The following SSUH2 variants were observed in gnomAD, a reference collection of about 807,000 sequenced individuals.
SSUH2 encodes the protein ssu-2 homolog.
Under a neutral mutation model 55.3 loss-of-function variants are expected in SSUH2, and 47 were observed. The ratio of observed to expected loss-of-function variants is 0.85; its 90% CI spans 0.67 to 1.08. The LOEUF (loss-of-function observed/expected upper bound fraction) is 1.08, where lower values mean the gene tolerates loss of function less well. Ranked by LOEUF, SSUH2 falls within the 50% of genes least tolerant of loss-of-function variation. The pLI is 0.00. For synonymous variants in SSUH2, 212 were observed against 191.5 expected (o/e 1.11, Z -0.89); for missense variants, 535 against 490.7 (o/e 1.09, Z -0.85).
At chr3:8,664,472 A>C (rs1187976048) in intron 5 of SSUH2, among the ~76,000 whole-genome samples, 1 of 151,610 alleles carries the variant, frequency 6.6e-6, no homozygotes, top group African/African-American at 2.4e-5. Context: ...AAAATTTCTG[A>C]GCAATTTTTT....
intron 11 of SSUH2, among the ~76,000 whole-genome samples, chr3:8,622,751 T>A (rs1294844499): frequency 6.6e-6 from 1 of 152,158 alleles, no homozygotes; most frequent in Non-Finnish European, 1.5e-5. Context: ...GAAATGCCCA[T>A]TGCAAAGGAC....
intron 5 of SSUH2, among the ~76,000 whole-genome samples, chr3:8,669,387 G>A (rs1296647118): frequency 6.6e-6 from 1 of 152,198 alleles, no homozygotes; most frequent in Non-Finnish European, 1.5e-5. Flanking sequence ...AAGAATTCCA[G>A]TTAACAAATA....
At chr3:8,676,350 C>A (rs1415558255) in intron 3 of SSUH2, among the ~76,000 whole-genome samples, 1 of 151,872 alleles carries the variant, frequency 6.6e-6, no homozygotes, top group African/African-American at 2.4e-5. Context: ...TCCCACGTTG[C>A]AATTAGAAAC....
chr3:8,630,905 C>T lies in SSUH2; in HGVS notation c.425G>A (p.Arg142Lys), dbSNP rs765315124. 1 of 1,452,600 alleles carries T rather than the reference C, an allele frequency of 6.9e-7. No homozygotes were observed. Among genetic ancestry groups the T allele is most frequent in the South Asian group, 1.6e-5 (1 of 64,054 alleles). The allele number at this position is 1,452,600 out of a possible 1,614,324, so 90.0% of individuals were successfully genotyped here. Reference sequence around the variant, plus strand: ...GTCCCAGAGCCTGGGGGAGGCGCCTCTTTGCGGCCCATCCACAGAGTGGTC... The same window carrying T: ...GTCCCAGAGCCTGGGGGAGGCGCCTTTTTGCGGCCCATCCACAGAGTGGTC... ...FTNHSVDGPQRGASPRLWDIK... is the reference protein window; with the variant it reads ...FTNHSVDGPQKGASPRLWDIK... The change falls in exon 6 of 12, where the codon AGA becomes AAA. Residue 142 changes from arginine (R) to lysine (K), a missense_variant. Transcript: ENST00000544814.
rs145602839 is a variant in SSUH2, at chr3:8,673,040, A to G, written c.-752-1005T>C. Among the ~76,000 whole-genome samples the G allele has an allele frequency of 2.6e-5, 4 of 152,088 alleles. No homozygotes were observed. The East Asian group carries it at 7.7e-4, about 29-fold the overall frequency. On this transcript the variant is annotated intron_variant, in intron 3 of 18. Coordinates refer to the SSUH2 transcript ENST00000317371. Reference sequence around the variant, plus strand: ...TAATTCTTCCTCATTTAATATAAACATGAATATGTATTACCAATATTAATA... The same window carrying G: ...TAATTCTTCCTCATTTAATATAAACGTGAATATGTATTACCAATATTAATA...
chr3:8,631,991 C>T, intron 5 of SSUH2, 58 bp downstream of exon 5: 2 of 1,404,526 alleles, frequency 1.4e-6, no homozygotes, highest in Non-Finnish European at 1.0e-6. Context: ...CTGATATTTT[C>T]CACCAGCACC....
intron 3 of SSUH2, among the ~76,000 whole-genome samples, chr3:8,634,894 G>C (rs1699652346): frequency 6.6e-6 from 1 of 152,174 alleles, no homozygotes; most frequent in South Asian, 2.1e-4. Flanking sequence ...TTCTGCAAAG[G>C]GCCACATAGT....
chr3:8,621,545 G>C (rs1363656588), intron 11 of SSUH2, among the ~76,000 whole-genome samples: 1 of 152,130 alleles, frequency 6.6e-6, no homozygotes, highest in Non-Finnish European at 1.5e-5. Context: ...AGGAAGAGGG[G>C]AATCAGAGTC....
chr3:8,628,106 G>C (rs1292658375), intron 7 of SSUH2, among the ~76,000 whole-genome samples: 3 of 152,166 alleles, frequency 2.0e-5, no homozygotes, highest in Non-Finnish European at 1.5e-5. Context: ...TCAGGGGCCT[G>C]GCACTGGAGA....
intron 6 of SSUH2, chr3:8,659,776 A>G (rs770952596): frequency 6.6e-6 from 3 of 456,564 alleles, no homozygotes; most frequent in South Asian, 4.7e-5. Context: ...TGTGCAGTGT[A>G]AGAGATATGG....
chr3:8,639,368 A>G (rs1700457543), intron 1 of SSUH2, among the ~76,000 whole-genome samples: 1 of 152,222 alleles, frequency 6.6e-6, no homozygotes, highest in Non-Finnish European at 1.5e-5. Flanking sequence ...ATTTCAGAGA[A>G]GAATGAAATG....
At chr3:8,633,539 C>T in intron 4 of SSUH2, 127 bp downstream of exon 4, 1 of 678,398 alleles carries the variant, frequency 1.5e-6, no homozygotes, top group Admixed American at 3.4e-5. Context: ...CCACCGCTCA[C>T]ACTCAAACAC....
chr3:8,659,728 T>C (rs1703285741), intron 6 of SSUH2: 2 of 455,174 alleles, frequency 4.4e-6, no homozygotes, highest in African/African-American at 2.0e-5. Context: ...TGTCCATCCA[T>C]CCATATATGT....
At chr3:8,622,410 G>T (rs749718221) in intron 11 of SSUH2, among the ~76,000 whole-genome samples, 50 of 152,250 alleles carry the variant, frequency 3.3e-4, no homozygotes, top group Non-Finnish European at 6.0e-4. Context: ...TGTGACTTAG[G>T]ACAGGTAACT....
intron 3 of SSUH2, chr3:8,634,683 G>C (rs1481833626): frequency 1.1e-6 from 1 of 909,332 alleles, no homozygotes; most frequent in South Asian, 1.4e-5. Flanking sequence ...AGGAGAAGGG[G>C]GTTGCTTCTG....
chr3:8,651,479 A>G (rs1257053366), intron 7 of SSUH2, among the ~76,000 whole-genome samples: 3 of 152,186 alleles, frequency 2.0e-5, no homozygotes, highest in East Asian at 1.9e-4. Flanking sequence ...GGCTTCCTCC[A>G]TGACAAATAC....
chr3:8,645,140 G>A (rs1559447719), upstream of SSUH2, among the ~76,000 whole-genome samples: 1 of 152,238 alleles, frequency 6.6e-6, no homozygotes, highest in African/African-American at 2.4e-5. Flanking sequence ...TCGCCCAGCT[G>A]TAGGAGGCAG....
chr3:8,662,485 C>T (rs1226982381), intron 6 of SSUH2, among the ~76,000 whole-genome samples: 1 of 152,142 alleles, frequency 6.6e-6, no homozygotes, highest in Non-Finnish European at 1.5e-5. Flanking sequence ...AACTAGCTCA[C>T]AAGGTTGTTG....
rs377189265 is a variant in SSUH2, at chr3:8,636,856, T to C, written c.29-999A>G. Among the ~76,000 whole-genome samples, 47 of 152,266 alleles carry C rather than the reference T, an allele frequency of 3.1e-4. 4 individuals carry two copies. The South Asian group carries it at 6.0e-3, about 20-fold the overall frequency. ...CTAACGCCTTCCCTCATTCCACCAA[T>C]GAGGAAACTGAGGCTCAGAAAGGTT... is the stretch of plus-strand genomic sequence containing the variant. On this transcript the variant is annotated intron_variant, in intron 1 of 11. Coordinates refer to ENST00000544814, the MANE Select transcript of SSUH2 (RefSeq NM_001256748.3).
Sources: allele counts gnomAD v4.1 joint callset (sites outside exome capture counted in the v4.1 genomes callset), GRCh38; gene constraint gnomAD v4.1.1; transcripts MANE v1.5; gene names NCBI Gene and HGNC (gene_info 2026-07-23, HGNC 2026-07-21).